The following HSD17B7 variants were observed in gnomAD, a reference collection of about 807,000 sequenced individuals.
HSD17B7 encodes hydroxysteroid 17-beta dehydrogenase 7.
A neutral mutation model predicts 34.1 loss-of-function variants in HSD17B7; 17 were observed. The ratio of observed to expected loss-of-function variants is 0.50; its 90% CI spans 0.34 to 0.75. The LOEUF (loss-of-function observed/expected upper bound fraction) is 0.75. HSD17B7 is among the 30% of genes least tolerant of loss of function. The pLI is 0.01. For synonymous variants in HSD17B7, 122 were observed against 154.6 expected (o/e 0.79, Z 1.56); for missense variants, 296 against 406.6 (o/e 0.73, Z 2.34).
intron 3 of HSD17B7, 180 bp from the exon 4 acceptor site, chr1:162,797,622 G>A (rs1648661446): frequency 1.4e-6 from 1 of 703,196 alleles, no homozygotes; most frequent in Admixed American, 3.2e-5. Context: ...GGGGAAGGAG[G>A]GTCTTTGGCA....
chr1:162,807,189 G>T (rs2102236847), intron 8 of HSD17B7, among the ~76,000 whole-genome samples: 1 of 152,166 alleles, frequency 6.6e-6, no homozygotes, highest in East Asian at 1.9e-4. Context: ...TGTTATCATT[G>T]TTCAGTTCCC....
chr1:162,802,807 G>T (rs552449557), intron 5 of HSD17B7: 8 of 152,370 alleles, frequency 5.3e-5, no homozygotes, highest in South Asian at 2.1e-4. Context: ...CATAAGCTCT[G>T]TGTTAATTGG....
At chr1:162,802,079 G>A (rs1488834491) in intron 5 of HSD17B7, among the ~76,000 whole-genome samples, 1 of 152,038 alleles carries the variant, frequency 6.6e-6, no homozygotes, top group East Asian at 1.9e-4. Flanking sequence ...AATGTTGTCA[G>A]GTTCTATATA....
chr1:162,803,605 A>C (rs1181111185), intron 6 of HSD17B7, 70 bp downstream of exon 6: 2 of 1,540,854 alleles, frequency 1.3e-6, no homozygotes, highest in East Asian at 2.3e-5. Context: ...GATATGTTTA[A>C]GGGTTGGGAA....
intron 3 of HSD17B7, 69 bp from the exon 4 acceptor site, chr1:162,797,733 G>A: frequency 6.4e-7 from 1 of 1,562,082 alleles, no homozygotes; most frequent in Non-Finnish European, 8.7e-7. Flanking sequence ...GGATGGGTTG[G>A]AAAGTGTTTT....
intron 8 of HSD17B7, among the ~76,000 whole-genome samples, chr1:162,806,061 G>GA (rs959109053): frequency 3.3e-5 from 5 of 151,654 alleles, no homozygotes; most frequent in Admixed American, 6.6e-5. Flanking sequence ...ATAATGTGCA[G>GA]AAAAAAAATG....
chr1:162,790,855 G>T lies in HSD17B7; in HGVS notation c.35+20G>T, dbSNP rs2102227117. 6.2e-7 allele frequency: 1 copy of T among 1,612,438 alleles called. No homozygotes were observed. The highest frequency in any genetic ancestry group is 1.3e-5 in the African/African-American group (1 of 75,024). On this transcript the variant is annotated intron_variant, in intron 1 of 8. Coordinates refer to ENST00000254521, the MANE Select transcript of HSD17B7 (RefSeq NM_016371.4). ...TAGCAGGTGAGGCCTCCTTTGGGTTGGCAGAGGCGGCAGCGGATCAGGGGT... is the reference window on the plus strand; with the variant it reads ...TAGCAGGTGAGGCCTCCTTTGGGTTTGCAGAGGCGGCAGCGGATCAGGGGT...
chr1:162,793,922 A>C (rs755041882), intron 2 of HSD17B7, among the ~76,000 whole-genome samples: 6 of 149,086 alleles, frequency 4.0e-5, no homozygotes, highest in Non-Finnish European at 8.8e-5. Context: ...ATTTGTTCAC[A>C]CCTTCACAGT....
chr1:162,809,312 A>T (rs1386563598), intron 8 of HSD17B7, among the ~76,000 whole-genome samples: 1 of 152,192 alleles, frequency 6.6e-6, no homozygotes, highest in Non-Finnish European at 1.5e-5. Flanking sequence ...CATCCCAGGG[A>T]TGAAACTCAC....
chr1:162,798,617 T>G (rs976202031), intron 4 of HSD17B7: 3 of 155,088 alleles, frequency 1.9e-5, no homozygotes, highest in African/African-American at 7.2e-5. Context: ...ATATTAACCT[T>G]GATCACCTGG....
At chr1:162,793,032 T>TTTG in intron 2 of HSD17B7, 170 bp downstream of exon 2, 2 of 312,672 alleles carry the variant, frequency 6.4e-6, no homozygotes, top group South Asian at 5.9e-5. Context: ...GTTTTCTTTC[T>TTTG]TTTTTTTTTT....
intron 2 of HSD17B7, among the ~76,000 whole-genome samples, chr1:162,795,083 G>T (rs1480314491): frequency 6.6e-6 from 1 of 152,182 alleles, no homozygotes; most frequent in Admixed American, 6.5e-5. Flanking sequence ...GAAATGAATG[G>T]TTATAGTGAT....
rs1649198757 is a variant in HSD17B7 at position 162,812,482 on chromosome 1, C to G, written c.*62C>G. On this transcript the variant is annotated 3_prime_UTR_variant, in exon 9 of 9. Coordinates refer to ENST00000254521, the MANE Select transcript of HSD17B7 (RefSeq NM_016371.4). ...TTGAGACCAGGAGTTCAAGACCAGC[C>G]TGAGAAACATAGTGAGCCCTTGTCT... is the stretch of plus-strand genomic sequence containing the variant. The G allele has an allele frequency of 3.4e-6, 5 of 1,475,126 alleles. No individual in the cohort carries two copies. Among genetic ancestry groups the G allele is most frequent in the African/African-American group, 1.4e-5 (1 of 70,126 alleles). 91.4% of individuals were successfully genotyped at this position (1,475,126 alleles called of 1,614,324 possible).
intron 2 of HSD17B7, 169 bp downstream of exon 2, chr1:162,793,031 C>CTTT (rs201857530): frequency 0.34 from 118,347 of 343,436 alleles, 14,104 homozygotes; most frequent in Non-Finnish European, 0.39. Context: ...CGTTTTCTTT[C>CTTT]TTTTTTTTTT....
At chr1:162,793,948 G>A (rs1315736370) in intron 2 of HSD17B7, among the ~76,000 whole-genome samples, 1 of 152,152 alleles carries the variant, frequency 6.6e-6, no homozygotes, top group African/African-American at 2.4e-5. Flanking sequence ...GCATGTAATA[G>A]ACATTTGATC....
rs1261720715 is a variant in HSD17B7, at chr1:162,792,683, G to C, written c.60G>C (p.Lys20Asn). 1.9e-6 allele frequency: 3 copies of C among 1,613,438 alleles called. No homozygotes were observed. Among genetic ancestry groups the C allele is most frequent in the East Asian group, 2.2e-5 (1 of 44,848 alleles). The change falls in exon 2 of 9, where the codon AAG becomes AAC. Residue 20 changes from lysine to asparagine, a missense_variant. By Grantham distance (94) the Lys-to-Asn change is moderately conservative. Coordinates refer to ENST00000254521, the MANE Select transcript of HSD17B7 (RefSeq NM_016371.4). Reference sequence around the variant, plus strand: ...GTGGCATTGGCCTGGCCCTCTGCAAGCGGCTGCTGGCGGAAGATGATGAGC... The same window carrying C: ...GTGGCATTGGCCTGGCCCTCTGCAACCGGCTGCTGGCGGAAGATGATGAGC... Reference protein sequence around the residue: ...ASSGIGLALCKRLLAEDDELH... With the variant: ...ASSGIGLALCNRLLAEDDELH...
At chr1:162,809,663 A>T (rs1034257940) in intron 8 of HSD17B7, among the ~76,000 whole-genome samples, 2 of 152,094 alleles carry the variant, frequency 1.3e-5, no homozygotes, top group Non-Finnish European at 2.9e-5. Flanking sequence ...TGGTCTATTC[A>T]GAGATTTGAC....
intron 8 of HSD17B7, among the ~76,000 whole-genome samples, chr1:162,807,957 A>G (rs1649041581): frequency 6.6e-6 from 1 of 152,160 alleles, no homozygotes; most frequent in African/African-American, 2.4e-5. Flanking sequence ...GCTTTGCAGA[A>G]GCTCTTTAGT....
chr1:162,802,444 T>G (rs544283972), intron 5 of HSD17B7, among the ~76,000 whole-genome samples: 1 of 152,176 alleles, frequency 6.6e-6, no homozygotes, highest in African/African-American at 2.4e-5. Flanking sequence ...CTCTTGACTT[T>G]TTTCTAGAGG....
Sources: gnomAD v4.1 joint callset for allele counts (sites outside exome capture counted in the v4.1 genomes callset) on GRCh38, gnomAD v4.1.1 for gene constraint, MANE v1.5 for transcripts, NCBI Gene and HGNC (gene_info 2026-07-23, HGNC 2026-07-21) for gene names.